Variants in TGFA observed in about 807,000 individuals in gnomAD.
The protein encoded by TGFA is protransforming growth factor alpha.
TGFA carries 12 observed loss-of-function variants against 21.7 expected under a neutral mutation model. The ratio of observed to expected loss-of-function variants is 0.55; its 90% confidence interval spans 0.35 to 0.90. The LOEUF (loss-of-function observed/expected upper bound fraction) is 0.90, where lower values mean the gene tolerates loss of function less well. Among genes scored for constraint, TGFA ranks in the 40% least tolerant of loss-of-function variants. TGFA has a pLI of 0.01. For missense variants in TGFA, 178 were observed against 210.8 expected, an observed-to-expected ratio of 0.84 and a Z score of 0.96; for synonymous variants, 79 against 88.1, an observed-to-expected ratio of 0.90 and a Z score of 0.58.
At chr2:70,490,501 G>C (rs1334964676) in intron 2 of TGFA, among the ~76,000 whole-genome samples, 1 of 152,206 alleles carries the variant, frequency 6.6e-6, no homozygotes, top group Non-Finnish European at 1.5e-5. Flanking sequence ...TAAGTACAGT[G>C]GAAGTTCTTG....
chr2:70,530,901 T>C (rs1174391742), intron 1 of TGFA, among the ~76,000 whole-genome samples: 1 of 152,188 alleles, frequency 6.6e-6, no homozygotes, highest in African/African-American at 2.4e-5. Context: ...CCTCTAGGTT[T>C]CTATGCCCTC....
intron 1 of TGFA, among the ~76,000 whole-genome samples, chr2:70,533,942 A>G (rs1868404): frequency 0.013 from 1,992 of 152,116 alleles, 47 homozygotes; most frequent in African/African-American, 0.045. Flanking sequence ...TTAGCAATAC[A>G]CTGTTTGCCA....
At chr2:70,520,610 G>C (rs1367081890) in intron 1 of TGFA, among the ~76,000 whole-genome samples, 1 of 152,074 alleles carries the variant, frequency 6.6e-6, no homozygotes, top group African/African-American at 2.4e-5. Flanking sequence ...AGAGAAATCT[G>C]AGACCTTTGA....
intron 2 of TGFA, chr2:70,468,640 G>A (rs1236197810): frequency 4.6e-5 from 7 of 152,264 alleles, no homozygotes; most frequent in African/African-American, 1.7e-4. Context: ...CAGTTTAGCA[G>A]TGGCATTAGA....
intron 4 of TGFA, among the ~76,000 whole-genome samples, chr2:70,455,667 T>C (rs192270993): frequency 6.6e-6 from 1 of 152,352 alleles, no homozygotes; most frequent in Admixed American, 6.5e-5. Flanking sequence ...GGAATAAATC[T>C]GGCATAGTTC....
At chr2:70,535,472 T>A (rs528187151) in intron 1 of TGFA, among the ~76,000 whole-genome samples, 1 of 152,354 alleles carries the variant, frequency 6.6e-6, no homozygotes, top group South Asian at 2.1e-4. Flanking sequence ...GTTTTGTTAT[T>A]CATTCCATTG....
intron 3 of TGFA, among the ~76,000 whole-genome samples, chr2:70,459,308 C>A (rs1249744726): frequency 2.0e-5 from 3 of 152,204 alleles, no homozygotes; most frequent in Non-Finnish European, 1.5e-5. Flanking sequence ...AAGCATTAGG[C>A]TAAACTCCTA....
At chr2:70,530,044 T>C (rs1395915395) in intron 1 of TGFA, among the ~76,000 whole-genome samples, 1 of 152,250 alleles carries the variant, frequency 6.6e-6, no homozygotes, top group African/African-American at 2.4e-5. Flanking sequence ...TTCTACTTCC[T>C]AGGCTATGTT....
At chr2:70,508,746 C>T (rs974713654) in intron 2 of TGFA, among the ~76,000 whole-genome samples, 7 of 152,100 alleles carry the variant, frequency 4.6e-5, no homozygotes, top group South Asian at 2.1e-4. Flanking sequence ...GATTATGACC[C>T]GTAAAGTGAT....
intron 1 of TGFA, among the ~76,000 whole-genome samples, chr2:70,535,050 A>T (rs1466104065): frequency 2.8e-5 from 4 of 145,200 alleles, no homozygotes; most frequent in African/African-American, 7.8e-5. Flanking sequence ...TTTTTTTTTT[A>T]AATCTCTAAA....
Position 70,547,787 on chromosome 2 carries a change from A to G in TGFA, c.40+5941T>C, listed in dbSNP as rs139191447. ...ATATATGCTATATATGTAATATAGT[A>G]TACTATCTATACAATATATACTATC... On this transcript the variant is annotated intron_variant, in intron 1 of 5. Transcript: ENST00000295400. Among the ~76,000 whole-genome samples, 1,394 of 148,040 alleles carry G rather than the reference A, an allele frequency of 9.4e-3. 90 individuals are homozygous for G. In the East Asian group the frequency reaches 0.17, roughly 18 times the overall value.
chr2:70,507,853 G>A (rs1553500406), intron 2 of TGFA, among the ~76,000 whole-genome samples: 2 of 152,144 alleles, frequency 1.3e-5, no homozygotes, highest in African/African-American at 4.8e-5. Context: ...CCATTTCTTT[G>A]CTAAAGCATC....
At chr2:70,518,560 A>G (rs1305737683) in intron 1 of TGFA, among the ~76,000 whole-genome samples, 3 of 152,196 alleles carry the variant, frequency 2.0e-5, no homozygotes, top group South Asian at 4.1e-4. Flanking sequence ...TGATGTGTCA[A>G]TGGGAAATGC....
chr2:70,525,085 C>A (rs1023797725), intron 1 of TGFA, among the ~76,000 whole-genome samples: 1 of 152,202 alleles, frequency 6.6e-6, no homozygotes, highest in Non-Finnish European at 1.5e-5. Context: ...GGGCATCATT[C>A]ACACAAGTGG....
intron 1 of TGFA, among the ~76,000 whole-genome samples, chr2:70,516,241 T>A (rs546882361): frequency 1.3e-4 from 20 of 152,276 alleles, no homozygotes; most frequent in Admixed American, 6.5e-4. Context: ...ATGAATCAAG[T>A]TAGCACAGGA....
At chr2:70,499,218 G>A (rs1559121118) in intron 2 of TGFA, among the ~76,000 whole-genome samples, 2 of 152,184 alleles carry the variant, frequency 1.3e-5, no homozygotes, top group South Asian at 4.1e-4. Flanking sequence ...CTATTTCTAG[G>A]TATATAGAGG....
At position 70,552,875 on chromosome 2, in the gene TGFA, CAG is replaced by C. The variant is rs374009631; in HGVS notation, c.40+851_40+852del. 4.7e-4 allele frequency among the ~76,000 whole-genome samples: 71 copies of C among 152,362 alleles called. 1 individual carries two copies. The South Asian group carries it at 0.014, about 30-fold the overall frequency. On this transcript the variant is annotated intron_variant, in intron 1 of 5. Coordinates refer to ENST00000295400, the MANE Select transcript of TGFA (RefSeq NM_003236.4). Reference sequence around the variant, plus strand: ...CGCTATTGATCAGCTATCTCAACACCAGAGAGACCCACCAGCACAAGGGGCAA... The same window carrying C: ...CGCTATTGATCAGCTATCTCAACACCAGAGACCCACCAGCACAAGGGGCAA...
intron 1 of TGFA, among the ~76,000 whole-genome samples, chr2:70,539,984 T>C (rs1308437004): frequency 6.6e-6 from 1 of 152,170 alleles, no homozygotes; most frequent in East Asian, 1.9e-4. Context: ...ATGTGGAGGA[T>C]TGCAGGCCTG....
Position 70,546,250 on chromosome 2 carries a change from C to T in TGFA, c.40+7478G>A, listed in dbSNP as rs113656301. ...AAATTAACCAATTCAGAGCAAGACA[C>T]TGGAACCTGCCCTTTTAAATTTAGT... is the stretch of plus-strand genomic sequence containing the variant. On this transcript the variant is annotated intron_variant, in intron 1 of 5. Transcript: ENST00000295400. Among the ~76,000 whole-genome samples the T allele has an allele frequency of 6.1e-3, 931 of 152,262 alleles. 3 individuals carry two copies. Among genetic ancestry groups the T allele is most frequent in the Non-Finnish European group, 0.01 (705 of 68,004 alleles).
Sources: gnomAD v4.1 joint callset for allele counts (sites outside exome capture counted in the v4.1 genomes callset) on GRCh38, gnomAD v4.1.1 for gene constraint, MANE v1.5 for transcripts, NCBI Gene and HGNC (gene_info 2026-07-23, HGNC 2026-07-21) for gene names.